Variants in LDAH observed in about 807,000 individuals in gnomAD.
LDAH encodes the protein lipid droplet associated hydrolase.
A neutral mutation model predicts 29.6 loss-of-function variants in LDAH; 26 were observed. The ratio of observed to expected loss-of-function variants is 0.88; its 90% CI spans 0.64 to 1.22. The LOEUF (loss-of-function observed/expected upper bound fraction) is 1.22, where lower values mean the gene tolerates loss of function less well. Ranked by LOEUF, LDAH falls within the 50% of genes most tolerant of loss-of-function variation. The probability of loss-of-function intolerance (pLI) is 0.00; values close to 1 mark genes in which losing one functional copy is unlikely to be tolerated. For synonymous variants in LDAH, 117 were observed against 133.0 expected (o/e 0.88, Z 0.83); for missense variants, 344 against 387.3 (o/e 0.89, Z 0.94).
chr2:20,785,091 C>T (rs1670455788), intron 3 of LDAH, among the ~76,000 whole-genome samples: 1 of 152,118 alleles, frequency 6.6e-6, no homozygotes, highest in African/African-American at 2.4e-5. Context: ...CAGCTATCTA[C>T]CAGATCAATT....
At chr2:20,766,511 AG>A (rs1344772991) in intron 4 of LDAH, among the ~76,000 whole-genome samples, 3 of 152,222 alleles carry the variant, frequency 2.0e-5, no homozygotes, top group Non-Finnish European at 4.4e-5. Flanking sequence ...AGATCTTCAT[AG>A]GGGCAGCCTA....
chr2:20,740,145 T>A lies in LDAH; in HGVS notation c.529A>T (p.Arg177Ter). 6.2e-7 allele frequency: 1 copy of A among 1,614,154 alleles called. No individual in the cohort carries two copies. Among genetic ancestry groups the A allele is most frequent in the Non-Finnish European group, 8.5e-7 (1 of 1,179,990 alleles). The change falls in exon 5 of 7, where the codon AGA becomes TGA. Residue 177 changes from arginine (R) to a stop codon, truncating the protein, a stop_gained. Transcript: ENST00000237822. LOFTEE classifies it high-confidence loss of function. ...CAGCACAAAAGTGGAGTGGCAATTC[T>A]GCCATTGGGTGACTCAGACATTCGT... ...IERMSESPNGRIATPLLCWFR... is the reference protein window; with the variant it reads ...IERMSESPNG
chr2:20,714,955 A>G (rs1007009091), intron 5 of LDAH, among the ~76,000 whole-genome samples: 1 of 152,230 alleles, frequency 6.6e-6, no homozygotes. Context: ...CCAGAGGTAC[A>G]AAGAGGAGCT....
At chr2:20,731,575 G>A (rs1666412777) in intron 5 of LDAH, among the ~76,000 whole-genome samples, 1 of 152,128 alleles carries the variant, frequency 6.6e-6, no homozygotes, top group Non-Finnish European at 1.5e-5. Flanking sequence ...AACACAGTAT[G>A]TCTCTCCATT....
At chr2:20,737,152 G>A (rs923022210) in intron 5 of LDAH, among the ~76,000 whole-genome samples, 2 of 152,100 alleles carry the variant, frequency 1.3e-5, no homozygotes, top group Non-Finnish European at 2.9e-5. Context: ...GATATATGTG[G>A]TAAAAAGAAA....
chr2:20,790,477 G>A, intron 2 of LDAH, 79 bp from the exon 3 acceptor site: 2 of 1,229,156 alleles, frequency 1.6e-6, no homozygotes, highest in South Asian at 2.8e-5. Flanking sequence ...GAAAAGATGG[G>A]TCTGTTTCTT....
At chr2:20,772,147 C>T (rs903405829) in intron 4 of LDAH, among the ~76,000 whole-genome samples, 1 of 152,180 alleles carries the variant, frequency 6.6e-6, no homozygotes, top group Non-Finnish European at 1.5e-5. Context: ...CAATCATTTT[C>T]AAACACACAA....
intron 3 of LDAH, among the ~76,000 whole-genome samples, chr2:20,782,059 C>T (rs142479260): frequency 6.6e-6 from 1 of 152,188 alleles, no homozygotes; most frequent in East Asian, 1.9e-4. Flanking sequence ...ACTGGTTTTC[C>T]GTATCAGTGT....
chr2:20,801,232 C>T (rs2125106447), intron 2 of LDAH, 78 bp downstream of exon 2: 1 of 1,452,558 alleles, frequency 6.9e-7, no homozygotes, highest in Non-Finnish European at 9.3e-7. Flanking sequence ...CCATATTTAC[C>T]AAATTCTCTA....
chr2:20,699,484 G>A (rs1248409682), intron 6 of LDAH, among the ~76,000 whole-genome samples: 1 of 152,106 alleles, frequency 6.6e-6, no homozygotes, highest in Non-Finnish European at 1.5e-5. Context: ...GAAACAAAAA[G>A]TTGCAATAAA....
At position 20,811,016 on chromosome 2, in the gene LDAH, CTTCT is replaced by C. The variant is rs1417060255; in HGVS notation, c.-2-9555_-2-9552del. Among the ~76,000 whole-genome samples, 1,205 of 151,290 alleles carry C rather than the reference CTTCT, an allele frequency of 8.0e-3. 18 individuals carry two copies. Among genetic ancestry groups the C allele is most frequent in the African/African-American group, 0.028 (1,149 of 41,200 alleles). ...CCCTGGTGCCAAAAAGGTATTCGAC[CTTCT>C]TTTTTTTTTTTTTTTGAGACGGAGT... is the stretch of plus-strand genomic sequence containing the variant. On this transcript the variant is annotated intron_variant, in intron 1 of 6. Transcript: ENST00000237822.
intron 5 of LDAH, among the ~76,000 whole-genome samples, chr2:20,737,299 G>A (rs1242293001): frequency 6.6e-6 from 1 of 152,168 alleles, no homozygotes; most frequent in Non-Finnish European, 1.5e-5. Context: ...CTTAGCAGGA[G>A]AAATAGTGGA....
chr2:20,804,748 C>T (rs567394135), intron 1 of LDAH, among the ~76,000 whole-genome samples: 3 of 152,086 alleles, frequency 2.0e-5, no homozygotes, highest in African/African-American at 7.2e-5. Context: ...ATTCTAACCT[C>T]TATGTTTAAC....
intron 3 of LDAH, among the ~76,000 whole-genome samples, chr2:20,777,554 G>A (rs1669908039): frequency 6.6e-6 from 1 of 152,058 alleles, no homozygotes; most frequent in Non-Finnish European, 1.5e-5. Context: ...AAGTAGCTGG[G>A]ATTACAGGCG....
chr2:20,816,007 G>C (rs1295074386), intron 1 of LDAH, among the ~76,000 whole-genome samples: 2 of 152,008 alleles, frequency 1.3e-5, no homozygotes, highest in Non-Finnish European at 1.5e-5. Context: ...AAAGGAGAAA[G>C]GACCTACATG....
chr2:20,696,096 AGG>A (rs1197995718), intron 6 of LDAH, among the ~76,000 whole-genome samples: 1 of 152,250 alleles, frequency 6.6e-6, no homozygotes, highest in Non-Finnish European at 1.5e-5. Flanking sequence ...CATTCTGGAC[AGG>A]CTTTAAATTA....
chr2:20,789,152 G>A (rs1386314204), intron 3 of LDAH: 5 of 1,550,498 alleles, frequency 3.2e-6, no homozygotes, highest in Non-Finnish European at 4.4e-6. Context: ...AAAACCAGCT[G>A]TAATGGTCTG....
chr2:20,705,835 T>C (rs1558394590), intron 5 of LDAH, among the ~76,000 whole-genome samples: 1 of 152,232 alleles, frequency 6.6e-6, no homozygotes. Flanking sequence ...TTTAAAATTT[T>C]ATTGTTAAGT....
rs749933515 is a variant in LDAH at position 20,687,146 on chromosome 2, A to T, written c.787-52T>A. The stretch of plus-strand genomic sequence containing the variant: ...TTAGAAAACACGTTCCCTTCCTGAC[A>T]CAGATATGACACCAGCAGCCGGCAG... On this transcript the variant is annotated intron_variant, in intron 6 of 6. Coordinates refer to ENST00000237822, the MANE Select transcript of LDAH (RefSeq NM_021925.4). The T allele has an allele frequency of 3.4e-6, 5 of 1,470,002 alleles. No individual in the cohort carries two copies. The Admixed American group carries it at 9.1e-5, about 27-fold the overall frequency. The allele number at this position is 1,470,002 out of a possible 1,614,324, so 91.1% of individuals were successfully genotyped here.
Sources: gnomAD v4.1 joint callset for allele counts (sites outside exome capture counted in the v4.1 genomes callset) on GRCh38, gnomAD v4.1.1 for gene constraint, MANE v1.5 for transcripts, NCBI Gene and HGNC (gene_info 2026-07-23, HGNC 2026-07-21) for gene names.